Variants in RIC8B observed in about 807,000 individuals in gnomAD.
RIC8B encodes chaperone Ric-8B.
Under a neutral mutation model 57.5 loss-of-function variants are expected in RIC8B, and 16 were observed. The ratio of observed to expected loss-of-function variants is 0.28; its 90% CI spans 0.19 to 0.42. The LOEUF (loss-of-function observed/expected upper bound fraction) is 0.42. Among genes scored for constraint, RIC8B ranks in the 10% least tolerant of loss-of-function variants. RIC8B has a pLI of 1.00. For synonymous variants in RIC8B, 216 were observed against 250.8 expected (o/e 0.86, Z 1.31); for missense variants, 481 against 677.0 (o/e 0.71, Z 3.21).
chr12:106,792,318 C>A (rs1332921540), intron 2 of RIC8B, among the ~76,000 whole-genome samples: 1 of 152,112 alleles, frequency 6.6e-6, no homozygotes, highest in East Asian at 1.9e-4. Flanking sequence ...AGGAGTAAAT[C>A]TAGAAAGCAA....
intron 2 of RIC8B, among the ~76,000 whole-genome samples, chr12:106,812,081 TAA>T (rs2045359342): frequency 6.6e-6 from 1 of 152,182 alleles, no homozygotes; most frequent in Non-Finnish European, 1.5e-5. Flanking sequence ...AATTGTAATT[TAA>T]AAAGAGTCGT....
At chr12:106,846,040 T>C (rs1949173791) in intron 6 of RIC8B, among the ~76,000 whole-genome samples, 1 of 152,218 alleles carries the variant, frequency 6.6e-6, no homozygotes, top group African/African-American at 2.4e-5. Flanking sequence ...AATACTATCT[T>C]GTCTCTATCT....
intron 2 of RIC8B, among the ~76,000 whole-genome samples, chr12:106,813,131 A>G (rs2045410451): frequency 6.7e-6 from 1 of 150,240 alleles, no homozygotes; most frequent in Non-Finnish European, 1.5e-5. Context: ...TAAATAATCT[A>G]GTGATGTCTT....
chr12:106,879,735 G>A lies in RIC8B; in HGVS notation c.1572-6169G>A, dbSNP rs926471180. 10 of 985,132 alleles carry A rather than the reference G, an allele frequency of 1.0e-5. No homozygotes were observed. Among genetic ancestry groups the A allele is most frequent in the South Asian group, 4.7e-5 (1 of 21,286 alleles). 61.0% of individuals were successfully genotyped at this position (985,132 alleles called of 1,614,324 possible). ...CCCTTGTAGATTATGGTTCCTTATC[G>A]TTTAGTAAGATCAAATTTCTAAATG... On this transcript the variant is annotated intron_variant, in intron 9 of 9. Coordinates refer to ENST00000392837, the MANE Select transcript of RIC8B (RefSeq NM_001330145.2). This position sits in a 1 kb window ranked among gnomAD's most constrained non-coding sequence, Gnocchi z 4.9.
Position 106,886,076 on chromosome 12 carries a change from G to A in RIC8B, c.*61G>A. The A allele has an allele frequency of 8.4e-7, 1 of 1,183,468 alleles. No individual in the cohort carries two copies. The highest frequency in any genetic ancestry group is 1.5e-5 in the African/African-American group (1 of 66,100). The allele number at this position is 1,183,468 out of a possible 1,614,324, so 73.3% of individuals were successfully genotyped here. Reference sequence around the variant, plus strand: ...CAGCATCTTTTCTCTGTAGCTCCAGGGGAATCTTTTCTCTAAAACATTTAT... The same window carrying A: ...CAGCATCTTTTCTCTGTAGCTCCAGAGGAATCTTTTCTCTAAAACATTTAT... On this transcript the variant is annotated 3_prime_UTR_variant, in exon 10 of 10. Transcript: ENST00000392837.
At chr12:106,843,157 T>C (rs1251826561) in intron 5 of RIC8B, among the ~76,000 whole-genome samples, 4 of 152,138 alleles carry the variant, frequency 2.6e-5, no homozygotes, top group African/African-American at 7.2e-5. Context: ...TGCTAAATAC[T>C]CTTCATAATA....
chr12:106,808,149 A>G (rs1407127381), intron 2 of RIC8B, among the ~76,000 whole-genome samples: 1 of 152,140 alleles, frequency 6.6e-6, no homozygotes. Context: ...TAAAAAATAC[A>G]AATAAAAAAT....
chr12:106,874,620 T>A, intron 9 of RIC8B: 2 of 1,313,150 alleles, frequency 1.5e-6, no homozygotes, highest in Non-Finnish European at 2.1e-6. Flanking sequence ...TAGATGTTAT[T>A]CACTACCAAA....
At chr12:106,871,033 C>A in intron 9 of RIC8B, 91 bp downstream of exon 9, 1 of 1,306,446 alleles carries the variant, frequency 7.7e-7, no homozygotes, top group South Asian at 1.6e-5. Context: ...AACAGCAACT[C>A]TGGAAATCCA....
In RIC8B at chr12:106,882,599, C is replaced by T. The variant is rs553195196; in HGVS notation, c.1572-3305C>T. Among the ~76,000 whole-genome samples, 96 of 152,266 alleles carry T rather than the reference C, an allele frequency of 6.3e-4. 1 individual carries two copies. The highest frequency in any genetic ancestry group is 2.1e-4 in the South Asian group (1 of 4,824). ...TGAGACTCGGAAGCTTGCCCAAGAT[C>T]ACACAGCTGGTAAGTGGAGGAGAAC... On this transcript the variant is annotated intron_variant, in intron 9 of 9. Coordinates refer to ENST00000392837, the MANE Select transcript of RIC8B (RefSeq NM_001330145.2).
At chr12:106,786,012 A>T (rs549236510) in intron 2 of RIC8B, among the ~76,000 whole-genome samples, 1 of 151,340 alleles carries the variant, frequency 6.6e-6, no homozygotes, top group African/African-American at 2.4e-5. Flanking sequence ...ATGCCCAGCC[A>T]ATTTTTAAAT....
intron 2 of RIC8B, among the ~76,000 whole-genome samples, chr12:106,808,586 A>C (rs1462184525): frequency 6.6e-6 from 1 of 152,318 alleles, no homozygotes; most frequent in East Asian, 1.9e-4. Flanking sequence ...AGAAATAATC[A>C]TCAAATTACT....
intron 1 of RIC8B, among the ~76,000 whole-genome samples, chr12:106,775,121 C>T (rs1389885590): frequency 1.3e-5 from 2 of 152,230 alleles, no homozygotes; most frequent in African/African-American, 2.4e-5. Flanking sequence ...AGATGTGCAT[C>T]TGTGCCCCGT....
chr12:106,876,373 C>A (rs1950665388), intron 9 of RIC8B, among the ~76,000 whole-genome samples: 1 of 152,064 alleles, frequency 6.6e-6, no homozygotes, highest in Admixed American at 6.6e-5. Context: ...TTTACCTATT[C>A]TTTTTCAATG....
chr12:106,883,699 C>A (rs1478871511), intron 9 of RIC8B, among the ~76,000 whole-genome samples: 1 of 140,938 alleles, frequency 7.1e-6, no homozygotes, highest in African/African-American at 2.5e-5. Flanking sequence ...TCTCCTCCCC[C>A]ACACACTATT....
rs559367180 is a variant in RIC8B at position 106,874,235 on chromosome 12, TC to T, written c.1571+3295del. On this transcript the variant is annotated intron_variant, in intron 9 of 9. Coordinates refer to ENST00000392837, the MANE Select transcript of RIC8B (RefSeq NM_001330145.2). ...TATAGTAAGTGTTTGCCAGAACACTTCCTCATCACCCTGTCAGCATTGTACT... is the reference window on the plus strand; with the variant it reads ...TATAGTAAGTGTTTGCCAGAACACTTCTCATCACCCTGTCAGCATTGTACT... Among the ~76,000 whole-genome samples, 72 of 152,330 alleles carry T rather than the reference TC, an allele frequency of 4.7e-4. 1 individual carries two copies. Among genetic ancestry groups the T allele is most frequent in the African/African-American group, 1.7e-3 (70 of 41,566 alleles).
chr12:106,805,632 T>C (rs552509267), intron 2 of RIC8B, among the ~76,000 whole-genome samples: 2 of 152,290 alleles, frequency 1.3e-5, no homozygotes, highest in East Asian at 1.9e-4. Context: ...GCTCCCCTTT[T>C]CTTGTTCATT....
intron 8 of RIC8B, among the ~76,000 whole-genome samples, chr12:106,863,111 G>A (rs1950006801): frequency 1.3e-5 from 2 of 152,094 alleles, no homozygotes; most frequent in African/African-American, 4.8e-5. Flanking sequence ...TAACTGGCTG[G>A]TATGGTTTAT....
chr12:106,777,979 C>T (rs1323291382), intron 1 of RIC8B, among the ~76,000 whole-genome samples: 1 of 152,108 alleles, frequency 6.6e-6, no homozygotes, highest in Non-Finnish European at 1.5e-5. Context: ...TTTGCTGTGG[C>T]TTAGTTTCCT....
Sources: allele counts gnomAD v4.1 joint callset (sites outside exome capture counted in the v4.1 genomes callset), GRCh38; gene constraint gnomAD v4.1.1; non-coding constraint Gnocchi (gnomAD v3.1); transcripts MANE v1.5; gene names NCBI Gene and HGNC (gene_info 2026-07-23, HGNC 2026-07-21).